The following PTPRM variants were observed in gnomAD, a reference collection of about 807,000 sequenced individuals.
PTPRM encodes the protein protein tyrosine phosphatase receptor type M, also known as receptor-type tyrosine-protein phosphatase mu.
Under a neutral mutation model 186.7 loss-of-function variants are expected in PTPRM, and 47 were observed. The ratio of observed to expected loss-of-function variants is 0.25; its 90% CI spans 0.20 to 0.32. PTPRM has a LOEUF of 0.32. Among genes scored for constraint, PTPRM ranks in the 10% least tolerant of loss-of-function variants. The pLI, the probability that PTPRM is intolerant of heterozygous loss-of-function variation, is 1.00. For synonymous variants in PTPRM, 668 were observed against 674.9 expected (o/e 0.99, Z 0.16); for missense variants, 1,494 against 1,865.0 (o/e 0.80, Z 3.66).
chr18:8,102,979 A>G (rs75280144), intron 11 of PTPRM, among the ~76,000 whole-genome samples: 159 of 152,334 alleles, frequency 1.0e-3, no homozygotes, highest in African/African-American at 3.8e-3. Context: ...ATCAGAGCTC[A>G]TGGGTGATCA....
At chr18:8,367,888 T>A (rs1314415075) in intron 23 of PTPRM, among the ~76,000 whole-genome samples, 1 of 152,222 alleles carries the variant, frequency 6.6e-6, no homozygotes, top group African/African-American at 2.4e-5. Flanking sequence ...CAAAATATCA[T>A]ACATCAATTG....
intron 2 of PTPRM, among the ~76,000 whole-genome samples, chr18:7,801,379 G>A (rs1315709547): frequency 6.6e-6 from 1 of 152,036 alleles, no homozygotes; most frequent in Non-Finnish European, 1.5e-5. Context: ...ATTGGTCACT[G>A]ATATATCACT....
intron 1 of PTPRM, among the ~76,000 whole-genome samples, chr18:7,622,385 T>C (rs1426969769): frequency 6.6e-6 from 1 of 152,096 alleles, no homozygotes; most frequent in Non-Finnish European, 1.5e-5. Flanking sequence ...AGGCCTCTCA[T>C]ATGCTGCTAT....
intron 7 of PTPRM, among the ~76,000 whole-genome samples, chr18:8,051,335 C>T (rs562422406): frequency 6.6e-6 from 1 of 152,168 alleles, no homozygotes; most frequent in Non-Finnish European, 1.5e-5. Flanking sequence ...AAAGGACATA[C>T]GTAACCTACA....
chr18:7,885,665 AAAG>A (rs1219248166), intron 2 of PTPRM, among the ~76,000 whole-genome samples: 2 of 152,186 alleles, frequency 1.3e-5, no homozygotes, highest in South Asian at 4.1e-4. Context: ...AACAGGGAAA[AAAG>A]GAGGAGAAAA....
intron 22 of PTPRM, among the ~76,000 whole-genome samples, chr18:8,334,114 C>T (rs933661927): frequency 1.7e-4 from 26 of 152,148 alleles, no homozygotes; most frequent in African/African-American, 6.3e-4. Flanking sequence ...TGAATGAGAT[C>T]GTGCATATAA....
At chr18:7,692,755 G>T (rs550943579) in intron 1 of PTPRM, among the ~76,000 whole-genome samples, 2 of 152,290 alleles carry the variant, frequency 1.3e-5, no homozygotes, top group African/African-American at 4.8e-5. Context: ...ACAGCAACAT[G>T]CCATACCTCG....
At chr18:7,584,697 C>G (rs1380123029) in intron 1 of PTPRM, among the ~76,000 whole-genome samples, 1 of 152,148 alleles carries the variant, frequency 6.6e-6, no homozygotes, top group Non-Finnish European at 1.5e-5. Context: ...GTGAGAAGTC[C>G]TCCATGGCTG....
At chr18:7,989,901 C>T (rs535067471) in intron 7 of PTPRM, among the ~76,000 whole-genome samples, 1 of 151,960 alleles carries the variant, frequency 6.6e-6, no homozygotes, top group African/African-American at 2.4e-5. Flanking sequence ...CATTTTCTTC[C>T]TTCTTCTTCT....
chr18:8,143,927 G>A, intron 14 of PTPRM, 148 bp downstream of exon 14: 1 of 1,108,478 alleles, frequency 9.0e-7, no homozygotes, highest in Non-Finnish European at 1.3e-6. Flanking sequence ...TTCATCATGT[G>A]GCATGGAAGG....
chr18:7,719,762 A>G (rs1306938341), intron 1 of PTPRM, among the ~76,000 whole-genome samples: 1 of 152,236 alleles, frequency 6.6e-6, no homozygotes, highest in Non-Finnish European at 1.5e-5. Context: ...GAAATCAAAC[A>G]AGGAAAAATA....
chr18:8,084,474 G>A (rs2090327983), intron 9 of PTPRM, among the ~76,000 whole-genome samples: 1 of 152,154 alleles, frequency 6.6e-6, no homozygotes, highest in African/African-American at 2.4e-5. Context: ...CTCCAATAGT[G>A]TCATGCAGTG....
intron 1 of PTPRM, among the ~76,000 whole-genome samples, chr18:7,770,801 T>C (rs1423073601): frequency 1.3e-5 from 2 of 151,736 alleles, no homozygotes; most frequent in African/African-American, 4.9e-5. Context: ...ACTCATCTTA[T>C]TTTAGCTCAA....
intron 1 of PTPRM, among the ~76,000 whole-genome samples, chr18:7,663,398 C>A (rs971328916): frequency 6.6e-6 from 1 of 152,150 alleles, no homozygotes; most frequent in Admixed American, 6.5e-5. Context: ...CAGCAGTGAA[C>A]AAAACACCCT....
intron 13 of PTPRM, among the ~76,000 whole-genome samples, chr18:8,131,149 A>C (rs1219386940): frequency 1.3e-5 from 2 of 152,218 alleles, no homozygotes; most frequent in Admixed American, 6.5e-5. Context: ...GACATTCAAA[A>C]TTGAACTTCT....
chr18:8,240,481 A>AGG (rs1266332051), intron 14 of PTPRM, among the ~76,000 whole-genome samples: 424 of 21,700 alleles, frequency 0.02, 38 homozygotes, highest in African/African-American at 0.043. Flanking sequence ...GAGGGAGGGG[A>AGG]GGAGAGAGAG....
intron 23 of PTPRM, chr18:8,365,708 C>G (rs189014870): frequency 6.6e-6 from 1 of 152,324 alleles, no homozygotes; most frequent in Non-Finnish European, 1.5e-5. Context: ...AGCTGTCCCT[C>G]CACCATCATA....
At chr18:8,237,133 T>A (rs1360535115) in intron 14 of PTPRM, among the ~76,000 whole-genome samples, 1 of 152,190 alleles carries the variant, frequency 6.6e-6, no homozygotes, top group African/African-American at 2.4e-5. Context: ...AAAGTTCTTA[T>A]AATAGCAAAG....
chr18:8,371,105 T>C (rs2095660259), intron 24 of PTPRM, 99 bp downstream of exon 24: 1 of 632,146 alleles, frequency 1.6e-6, no homozygotes, highest in Non-Finnish European at 2.7e-6. Context: ...TGCTCATATC[T>C]CAATGCAGGT....
Sources: allele counts gnomAD v4.1 joint callset (sites outside exome capture counted in the v4.1 genomes callset), GRCh38; gene constraint gnomAD v4.1.1; transcripts MANE v1.5; gene names NCBI Gene and HGNC (gene_info 2026-07-23, HGNC 2026-07-21).